The following SRPK2 variants were observed in gnomAD, a reference collection of about 807,000 sequenced individuals.
SRPK2 encodes SFRS protein kinase 2.
A neutral mutation model predicts 90.8 loss-of-function variants in SRPK2; 21 were observed. The observed-to-expected ratio is 0.23, with a 90% confidence interval of 0.16 to 0.33. The LOEUF is 0.33. Ranked by LOEUF, SRPK2 falls within the 10% of genes least tolerant of loss-of-function variation. The probability of loss-of-function intolerance (pLI) is 1.00; values close to 1 mark genes in which losing one functional copy is unlikely to be tolerated. For synonymous variants in SRPK2, 288 were observed against 311.1 expected, an observed-to-expected ratio of 0.93 and a Z score of 0.78; for missense variants, 620 against 869.0, an observed-to-expected ratio of 0.71 and a Z score of 3.60.
Position 105,116,826 on chromosome 7 carries a change from TGA to T in SRPK2, c.*1010_*1011del, listed in dbSNP as rs959911253. 6.6e-6 allele frequency: 1 copy of T among 152,266 alleles called. No individual in the cohort carries two copies. The highest frequency in any genetic ancestry group is 1.5e-5 in the Non-Finnish European group (1 of 68,034). The allele number at this position is 152,266 out of a possible 1,614,324, so 9.4% of individuals were successfully genotyped here. On this transcript the variant is annotated 3_prime_UTR_variant, in exon 16 of 16. Coordinates refer to ENST00000393651, the MANE Select transcript of SRPK2 (RefSeq NM_182692.3). ...TGTGATCACTGTTATCTTTGAGCTG[TGA>T]GAAGTATTCTGCCCACTGCACTGCA... is the stretch of plus-strand genomic sequence containing the variant.
At position 105,203,722 on chromosome 7, in the gene SRPK2, CGGTGGT is replaced by C. The variant is rs771788696; in HGVS notation, c.129_134del (p.Pro46_Pro47del). On this transcript the variant is annotated inframe_deletion, in exon 3 of 16. Transcript: ENST00000393651. ...GGGGTGTGGGGTCTGGCAAAGGTGG[CGGTGGT>C]GGTGGTGGTGGCGGTGGAGGAGGAG... 3 of 1,087,588 alleles carry C rather than the reference CGGTGGT, an allele frequency of 2.8e-6. No individual in the cohort carries two copies. Among genetic ancestry groups the C allele is most frequent in the Non-Finnish European group, 3.9e-6 (3 of 760,570 alleles). 67.4% of individuals were successfully genotyped at this position (1,087,588 alleles called of 1,614,324 possible).
chr7:105,357,009 A>T lies in SRPK2; in HGVS notation c.71+31639T>A, dbSNP rs77709841. 8.1e-3 allele frequency among the ~76,000 whole-genome samples: 1,235 copies of T among 151,650 alleles called. 16 individuals are homozygous for T. Among genetic ancestry groups the T allele is most frequent in the African/African-American group, 0.029 (1,182 of 41,358 alleles). On this transcript the variant is annotated intron_variant, in intron 2 of 15. Coordinates refer to ENST00000393651, the MANE Select transcript of SRPK2 (RefSeq NM_182692.3). ...CTATTAAATCTTTTCATAGTAAACC[A>T]TCACTTGATTTTTTTAGGTAAACAC... is the stretch of plus-strand genomic sequence containing the variant.
chr7:105,236,762 G>A (rs974341852), intron 2 of SRPK2, among the ~76,000 whole-genome samples: 14 of 152,240 alleles, frequency 9.2e-5, no homozygotes, highest in African/African-American at 3.1e-4. Flanking sequence ...GCAAAGAGAA[G>A]AGTCCATGGG....
At chr7:105,261,273 G>A (rs918187833) in intron 2 of SRPK2, among the ~76,000 whole-genome samples, 3 of 152,166 alleles carry the variant, frequency 2.0e-5, no homozygotes, top group Non-Finnish European at 2.9e-5. Flanking sequence ...TGTAATCCCG[G>A]CACTTTGGGA....
rs562611722 is a variant in SRPK2, at chr7:105,252,836, C to G, written c.72-49051G>C. 1.3e-4 allele frequency among the ~76,000 whole-genome samples: 19 copies of G among 151,364 alleles called. No homozygotes were observed. In the East Asian group the frequency reaches 3.5e-3, roughly 28 times the overall value. ...CAGCTCACTGCAACCTCCTGTCTCC[C>G]AGGTTCAAGAAATTCTCATGCCTCA... On this transcript the variant is annotated intron_variant, in intron 2 of 15. Transcript: ENST00000393651.
At chr7:105,213,680 A>G (rs142346499) in intron 2 of SRPK2, among the ~76,000 whole-genome samples, 138 of 152,332 alleles carry the variant, frequency 9.1e-4, no homozygotes, top group African/African-American at 3.1e-3. Flanking sequence ...CAAGCAAACT[A>G]AAGACCCATA....
intron 2 of SRPK2, among the ~76,000 whole-genome samples, chr7:105,338,519 A>G (rs184020896): frequency 8.5e-5 from 13 of 152,280 alleles, no homozygotes; most frequent in Admixed American, 2.6e-4. Context: ...AGCCTCCTAA[A>G]GTCCTGGGAT....
At chr7:105,281,807 G>GA in intron 2 of SRPK2, among the ~76,000 whole-genome samples, 1 of 152,250 alleles carries the variant, frequency 6.6e-6, no homozygotes, top group South Asian at 2.1e-4. Flanking sequence ...TGAAAGAAAT[G>GA]AAAGACCTGA....
At chr7:105,187,722 T>C (rs1455257028) in intron 3 of SRPK2, among the ~76,000 whole-genome samples, 1 of 152,222 alleles carries the variant, frequency 6.6e-6, no homozygotes, top group East Asian at 1.9e-4. Flanking sequence ...TTGGTGTGGG[T>C]GTCTGACCAG....
At chr7:105,257,416 G>A (rs1414210953) in intron 2 of SRPK2, among the ~76,000 whole-genome samples, 2 of 152,216 alleles carry the variant, frequency 1.3e-5, no homozygotes, top group African/African-American at 4.8e-5. Flanking sequence ...CCAAAGAGAA[G>A]AGGAAGTGCC....
intron 2 of SRPK2, among the ~76,000 whole-genome samples, chr7:105,313,874 ACAAG>A (rs1357359578): frequency 6.6e-6 from 1 of 152,204 alleles, no homozygotes; most frequent in African/African-American, 2.4e-5. Flanking sequence ...AAATAGAAAA[ACAAG>A]CAAAGTAAAA....
At chr7:105,372,708 A>G (rs1563302020) in intron 2 of SRPK2, among the ~76,000 whole-genome samples, 1 of 152,212 alleles carries the variant, frequency 6.6e-6, no homozygotes, top group South Asian at 2.1e-4. Flanking sequence ...TGGCAACTCC[A>G]GGTAATGATT....
At chr7:105,344,295 T>G (rs1426415534) in intron 2 of SRPK2, among the ~76,000 whole-genome samples, 1 of 50,236 alleles carries the variant, frequency 2.0e-5, no homozygotes, top group Non-Finnish European at 6.9e-5. Flanking sequence ...GACATAGAAT[T>G]TTTTTTTTCT....
intron 2 of SRPK2, among the ~76,000 whole-genome samples, chr7:105,384,621 A>C (rs2132730677): frequency 6.6e-6 from 1 of 152,306 alleles, no homozygotes; most frequent in South Asian, 2.1e-4. Context: ...CCTCCTCTGG[A>C]AAATTAATCA....
At chr7:105,138,582 C>T (rs1005136356) in intron 11 of SRPK2, among the ~76,000 whole-genome samples, 1 of 152,170 alleles carries the variant, frequency 6.6e-6, no homozygotes, top group African/African-American at 2.4e-5. Flanking sequence ...GCAGATCACT[C>T]GAGCCCATGA....
intron 2 of SRPK2, among the ~76,000 whole-genome samples, chr7:105,278,250 G>A (rs907787602): frequency 7.9e-5 from 12 of 151,158 alleles, no homozygotes; most frequent in Non-Finnish European, 7.4e-5. Context: ...CGGAGGCAGA[G>A]GTTGCAGTGA....
chr7:105,318,513 A>G (rs1812561624), intron 2 of SRPK2, among the ~76,000 whole-genome samples: 1 of 152,228 alleles, frequency 6.6e-6, no homozygotes, highest in African/African-American at 2.4e-5. Context: ...GGGCTCCTAA[A>G]TAATTTTTTA....
upstream of SRPK2, among the ~76,000 whole-genome samples, chr7:105,394,104 G>A (rs560999774): frequency 4.6e-5 from 7 of 151,708 alleles, no homozygotes; most frequent in South Asian, 8.3e-4. Context: ...CATACAATAC[G>A]TGGCCTTTTG....
intron 2 of SRPK2, among the ~76,000 whole-genome samples, chr7:105,359,009 G>A (rs1818119416): frequency 6.6e-6 from 1 of 151,944 alleles, no homozygotes; most frequent in Non-Finnish European, 1.5e-5. Context: ...AACTAAGAGT[G>A]AGAAGCAAGA....
Sources: gnomAD v4.1 joint callset for allele counts (sites outside exome capture counted in the v4.1 genomes callset) on GRCh38, gnomAD v4.1.1 for gene constraint, MANE v1.5 for transcripts, NCBI Gene and HGNC (gene_info 2026-07-23, HGNC 2026-07-21) for gene names.